Variants in RUNX2 observed in about 807,000 individuals in gnomAD.
The protein encoded by RUNX2 is runt-related transcription factor 2.
In RUNX2, 10 loss-of-function variants were observed where a neutral mutation model predicts 51.7. The ratio of observed to expected loss-of-function variants is 0.19; its 90% CI spans 0.12 to 0.33. RUNX2 has a LOEUF of 0.33. RUNX2 is among the 10% of genes least tolerant of loss of function. The pLI, the probability that RUNX2 is intolerant of heterozygous loss-of-function variation, is 1.00. For missense variants in RUNX2, 562 were observed against 691.3 expected (o/e 0.81, Z 2.10); for synonymous variants, 276 against 273.6 (o/e 1.01, Z -0.09).
chr6:45,547,325 A>T lies in RUNX2; in HGVS notation c.*20A>T. On this transcript the variant is annotated 3_prime_UTR_variant, in exon 9 of 9. Transcript: ENST00000647337. ...TATTGAAATTCCTCAGCAGTGGCCC[A>T]GTGGTATCTGGGGGCCACATCCCAC... The T allele has an allele frequency of 6.3e-7, 1 of 1,581,148 alleles. No individual in the cohort carries two copies. Among genetic ancestry groups the T allele is most frequent in the Non-Finnish European group, 8.7e-7 (1 of 1,150,332 alleles).
intron 2 of RUNX2, among the ~76,000 whole-genome samples, chr6:45,410,318 G>A (rs536276466): frequency 6.6e-6 from 1 of 152,288 alleles, no homozygotes; most frequent in Admixed American, 6.5e-5. Flanking sequence ...ATAAAAGCCT[G>A]AACCTAAAGC....
rs1799824983 is a variant in RUNX2 at position 45,472,257 on chromosome 6, G to A, written c.686-19684G>A. ...GTATTACTGGAAAGGAAAGTGAGCA[G>A]AGGGCTTTCTCTACCCAATAAGTAA... On this transcript the variant is annotated intron_variant, in intron 5 of 8. Transcript: ENST00000647337. Among the ~76,000 whole-genome samples the A allele has an allele frequency of 3.9e-5, 6 of 152,328 alleles. No homozygotes were observed. In the South Asian group the frequency reaches 1.2e-3, roughly 32 times the overall value.
chr6:45,367,050 A>C (rs969052195), intron 2 of RUNX2, among the ~76,000 whole-genome samples: 4 of 152,206 alleles, frequency 2.6e-5, no homozygotes, highest in Admixed American at 6.5e-5. Context: ...GCCCCACGAA[A>C]GAAGGTTGGG....
intron 2 of RUNX2, among the ~76,000 whole-genome samples, chr6:45,351,398 C>T (rs1455883341): frequency 6.6e-6 from 1 of 151,954 alleles, no homozygotes; most frequent in African/African-American, 2.4e-5. Context: ...AAAACAATCC[C>T]CATAATCAGG....
At chr6:45,461,206 TCA>T (rs1303098218) in intron 5 of RUNX2, among the ~76,000 whole-genome samples, 2 of 152,242 alleles carry the variant, frequency 1.3e-5, no homozygotes, top group East Asian at 3.9e-4. Context: ...CAGAAAAGTC[TCA>T]GTTAATGGAG....
At chr6:45,358,420 ACAG>A (rs1217100666) in intron 2 of RUNX2, among the ~76,000 whole-genome samples, 2 of 152,200 alleles carry the variant, frequency 1.3e-5, no homozygotes, top group Non-Finnish European at 2.9e-5. Context: ...GGAAAGTTCT[ACAG>A]CATGCTATAA....
intron 3 of RUNX2, among the ~76,000 whole-genome samples, chr6:45,430,163 G>A (rs1266277515): frequency 6.6e-6 from 1 of 152,032 alleles, no homozygotes; most frequent in Non-Finnish European, 1.5e-5. Context: ...TTGATAAGTG[G>A]TGAACAAGAC....
intron 2 of RUNX2, among the ~76,000 whole-genome samples, chr6:45,397,062 C>T (rs540785276): frequency 6.6e-6 from 1 of 151,288 alleles, no homozygotes; most frequent in Non-Finnish European, 1.5e-5. Flanking sequence ...GGGGATAAAC[C>T]TAAGAGTAGA....
chr6:45,413,471 C>T (rs1034495318), intron 2 of RUNX2, among the ~76,000 whole-genome samples: 1 of 141,018 alleles, frequency 7.1e-6, no homozygotes, highest in African/African-American at 2.7e-5. Flanking sequence ...CAGCCTGTTG[C>T]CCAGGCTGGA....
intron 5 of RUNX2, among the ~76,000 whole-genome samples, chr6:45,445,830 G>C (rs114028374): frequency 6.6e-6 from 1 of 151,968 alleles, no homozygotes. Flanking sequence ...TGAGGGGGGC[G>C]GGGGGATGGG....
intron 5 of RUNX2, among the ~76,000 whole-genome samples, chr6:45,465,128 C>T (rs1461129850): frequency 2.0e-5 from 3 of 152,170 alleles, no homozygotes; most frequent in African/African-American, 7.2e-5. Flanking sequence ...TCAGGGAGAG[C>T]AGTATGCTTC....
At chr6:45,473,987 A>G (rs918257492) in intron 5 of RUNX2, among the ~76,000 whole-genome samples, 1 of 152,204 alleles carries the variant, frequency 6.6e-6, no homozygotes, top group Admixed American at 6.5e-5. Flanking sequence ...TCAGGTGTAA[A>G]TGTCTGAATT....
At chr6:45,494,227 C>T (rs890211673) in intron 6 of RUNX2, among the ~76,000 whole-genome samples, 2 of 152,188 alleles carry the variant, frequency 1.3e-5, no homozygotes, top group South Asian at 2.1e-4. Flanking sequence ...CTGAGCAGAT[C>T]GAGAGTGTGG....
At chr6:45,543,843 T>A (rs1802307419) in intron 7 of RUNX2, among the ~76,000 whole-genome samples, 1 of 151,924 alleles carries the variant, frequency 6.6e-6, no homozygotes, top group Non-Finnish European at 1.5e-5. Context: ...AGGATATTAT[T>A]TGCTTCTGTA....
intron 2 of RUNX2, among the ~76,000 whole-genome samples, chr6:45,417,713 C>T (rs1363712818): frequency 1.3e-5 from 2 of 152,162 alleles, no homozygotes; most frequent in African/African-American, 2.4e-5. Context: ...AATTCTTCTG[C>T]TTTAGGTGAA....
At chr6:45,328,899 C>T in intron 2 of RUNX2, 115 bp downstream of exon 2, 1 of 1,091,834 alleles carries the variant, frequency 9.2e-7, no homozygotes, top group Non-Finnish European at 1.4e-6. Flanking sequence ...CCTAATTATG[C>T]TATCTTGTTG....
chr6:45,381,934 A>C (rs889951157), intron 2 of RUNX2, among the ~76,000 whole-genome samples: 2 of 152,222 alleles, frequency 1.3e-5, no homozygotes, highest in African/African-American at 4.8e-5. Flanking sequence ...AGCTTGTAGA[A>C]TTGTAATCAT....
chr6:45,501,189 T>A (rs1292213677), intron 6 of RUNX2, among the ~76,000 whole-genome samples: 2 of 152,244 alleles, frequency 1.3e-5, no homozygotes, highest in African/African-American at 4.8e-5. Context: ...CCGCTAGCTA[T>A]GCCTGACCAG....
At position 45,530,202 on chromosome 6, in the gene RUNX2, T is replaced by TC. The variant is rs534950586; in HGVS notation, c.1022-15012dup. On this transcript the variant is annotated intron_variant, in intron 7 of 8. Coordinates refer to ENST00000647337, the MANE Select transcript of RUNX2 (RefSeq NM_001024630.4). ...AAACTATTTCTCCAAAGTGAACCCC[T>TC]CCCAGGGGTCTTCCTACCACCATTT... 3.0e-4 allele frequency among the ~76,000 whole-genome samples: 46 copies of TC among 152,296 alleles called. No individual in the cohort carries two copies. The South Asian group carries it at 9.1e-3, about 30-fold the overall frequency.
Sources: allele counts gnomAD v4.1 joint callset (sites outside exome capture counted in the v4.1 genomes callset), GRCh38; gene constraint gnomAD v4.1.1; transcripts MANE v1.5; gene names NCBI Gene and HGNC (gene_info 2026-07-23, HGNC 2026-07-21).